KIAA1328: variants seen among roughly 807,000 people sequenced by gnomAD.
KIAA1328 encodes the protein protein hinderin.
KIAA1328 carries 52 observed loss-of-function variants against 68.1 expected under a neutral mutation model. The observed-to-expected ratio is 0.76, with a 90% CI of 0.61 to 0.96. The LOEUF is 0.96. KIAA1328 is among the 40% of genes least tolerant of loss of function. The pLI is 0.00. For synonymous variants in KIAA1328, 232 were observed against 239.4 expected (o/e 0.97, Z 0.28); for missense variants, 641 against 677.6 (o/e 0.95, Z 0.60).
In KIAA1328 at chr18:37,022,938, A is replaced by G. The variant is rs979241606; in HGVS notation, c.577-43952A>G. 5.3e-5 allele frequency among the ~76,000 whole-genome samples: 8 copies of G among 152,232 alleles called. No individual in the cohort carries two copies. The South Asian group carries it at 1.0e-3, about 20-fold the overall frequency. On this transcript the variant is annotated intron_variant, in intron 6 of 9. Transcript: ENST00000280020. ...GAAAATAATTTGAGTATATTGCTATACAAGTCTCTTACAGTAAATAAGTAA... is the reference window on the plus strand; with the variant it reads ...GAAAATAATTTGAGTATATTGCTATGCAAGTCTCTTACAGTAAATAAGTAA...
chr18:37,067,694 G>A, intron 7 of KIAA1328, 149 bp downstream of exon 7: 3 of 817,488 alleles, frequency 3.7e-6, no homozygotes, highest in Non-Finnish European at 5.4e-6. Flanking sequence ...CGAGTAGCTG[G>A]GATTACAGGC....
chr18:37,113,816 C>T (rs1033753312), intron 7 of KIAA1328, among the ~76,000 whole-genome samples: 2 of 152,108 alleles, frequency 1.3e-5, no homozygotes, highest in African/African-American at 4.8e-5. Flanking sequence ...GGAGGAAGAT[C>T]TACCAAGCAA....
At chr18:36,892,003 A>G (rs1347713811) in intron 5 of KIAA1328, among the ~76,000 whole-genome samples, 1 of 152,228 alleles carries the variant, frequency 6.6e-6, no homozygotes. Flanking sequence ...TTTTTATATG[A>G]TTATGTGAAA....
At chr18:37,205,006 C>G (rs1288247041) in intron 9 of KIAA1328, among the ~76,000 whole-genome samples, 4 of 151,984 alleles carry the variant, frequency 2.6e-5, no homozygotes, top group African/African-American at 7.3e-5. Flanking sequence ...GGCACCTTCT[C>G]AAGAGACTCA....
chr18:37,089,468 G>A (rs111643828), intron 7 of KIAA1328, among the ~76,000 whole-genome samples: 16,051 of 149,276 alleles, frequency 0.11, 1,074 homozygotes, highest in Middle Eastern at 0.14. Flanking sequence ...TCCACCTTCC[G>A]GGTTCAAGCA....
intron 5 of KIAA1328, among the ~76,000 whole-genome samples, chr18:36,919,872 G>T (rs1833919797): frequency 6.6e-6 from 1 of 152,060 alleles, no homozygotes; most frequent in Non-Finnish European, 1.5e-5. Context: ...GTTTTCCTTT[G>T]AGAAGTGTCT....
chr18:36,846,235 T>G (rs2047023571), intron 4 of KIAA1328, among the ~76,000 whole-genome samples: 1 of 151,652 alleles, frequency 6.6e-6, no homozygotes, highest in Admixed American at 6.6e-5. Flanking sequence ...TTTTATGTTC[T>G]TTTCCCTCTG....
chr18:37,192,173 G>GTGTGTA (rs1556916544), intron 9 of KIAA1328, among the ~76,000 whole-genome samples: 1 of 150,360 alleles, frequency 6.7e-6, no homozygotes, highest in Non-Finnish European at 1.5e-5. Flanking sequence ...GTGTGTGTGT[G>GTGTGTA]TGTATGTGTG....
At chr18:36,846,902 A>G (rs2047049207) in intron 4 of KIAA1328, among the ~76,000 whole-genome samples, 1 of 151,210 alleles carries the variant, frequency 6.6e-6, no homozygotes, top group Non-Finnish European at 1.5e-5. Flanking sequence ...TTTTATCACA[A>G]ACTGAAATTG....
chr18:37,173,822 A>G (rs2059545621), intron 9 of KIAA1328, among the ~76,000 whole-genome samples: 2 of 152,288 alleles, frequency 1.3e-5, no homozygotes, highest in African/African-American at 4.8e-5. Flanking sequence ...AAAATTTATT[A>G]TTTTGGTTTG....
downstream of KIAA1328, chr18:37,229,622 T>G: frequency 8.1e-7 from 1 of 1,231,016 alleles, no homozygotes; most frequent in Non-Finnish European, 1.1e-6. Context: ...ACACCTGTAA[T>G]CCCAGGCTTT....
chr18:37,064,145 G>A (rs2056256507), intron 6 of KIAA1328, among the ~76,000 whole-genome samples: 1 of 152,096 alleles, frequency 6.6e-6, no homozygotes, highest in African/African-American at 2.4e-5. Context: ...GCCTAGCGCT[G>A]GTTCATATTC....
chr18:37,167,169 G>T (rs1363202478), intron 8 of KIAA1328, among the ~76,000 whole-genome samples: 1 of 152,162 alleles, frequency 6.6e-6, no homozygotes, highest in African/African-American at 2.4e-5. Context: ...AGATGGGCAG[G>T]TTGTGGGGCT....
chr18:37,096,178 TA>T (rs1353118936), intron 7 of KIAA1328, among the ~76,000 whole-genome samples: 1 of 152,182 alleles, frequency 6.6e-6, no homozygotes, highest in Non-Finnish European at 1.5e-5. Context: ...CTGCACCCAT[TA>T]ACTCGTCACT....
At chr18:36,958,783 G>GT (rs1486187755) in intron 5 of KIAA1328, among the ~76,000 whole-genome samples, 1 of 151,140 alleles carries the variant, frequency 6.6e-6, no homozygotes, top group Non-Finnish European at 1.5e-5. Context: ...TCAGGGGGTT[G>GT]TTTTTTCAAA....
At chr18:37,183,634 C>G (rs183409141) in intron 9 of KIAA1328, among the ~76,000 whole-genome samples, 1 of 152,286 alleles carries the variant, frequency 6.6e-6, no homozygotes, top group South Asian at 2.1e-4. Flanking sequence ...CAAAGTATAT[C>G]AATAAGCCTG....
intron 6 of KIAA1328, among the ~76,000 whole-genome samples, chr18:37,005,847 G>T (rs2053761604): frequency 6.6e-6 from 1 of 151,950 alleles, no homozygotes; most frequent in Non-Finnish European, 1.5e-5. Flanking sequence ...AATAAGGTAG[G>T]CAAAAAAAGA....
chr18:36,837,798 A>G (rs1240770161), intron 3 of KIAA1328, among the ~76,000 whole-genome samples: 3 of 151,964 alleles, frequency 2.0e-5, no homozygotes, highest in African/African-American at 4.8e-5. Context: ...ATTCCTTTGC[A>G]TGTAGATATC....
chr18:36,889,547 A>G (rs1303928881), intron 5 of KIAA1328, among the ~76,000 whole-genome samples: 1 of 152,212 alleles, frequency 6.6e-6, no homozygotes, highest in Non-Finnish European at 1.5e-5. Flanking sequence ...AGTGGGATTT[A>G]GAGTCATAAT....
Sources: gnomAD v4.1 joint callset for allele counts (sites outside exome capture counted in the v4.1 genomes callset) on GRCh38, gnomAD v4.1.1 for gene constraint, MANE v1.5 for transcripts, NCBI Gene and HGNC (gene_info 2026-07-23, HGNC 2026-07-21) for gene names.